ATP8B4: variants seen among roughly 807,000 people sequenced by gnomAD.
The protein encoded by ATP8B4 is probable phospholipid-transporting ATPase IM.
A neutral mutation model predicts 145.6 loss-of-function variants in ATP8B4; 133 were observed. The ratio of observed to expected loss-of-function variants is 0.91; its 90% CI spans 0.79 to 1.05. ATP8B4 has a LOEUF of 1.05. ATP8B4 is among the 50% of genes least tolerant of loss of function. The pLI, the probability that ATP8B4 is intolerant of heterozygous loss-of-function variation, is 0.00. For synonymous variants in ATP8B4, 507 were observed against 492.9 expected, an observed-to-expected ratio of 1.03 and a Z score of -0.38; for missense variants, 1,458 against 1,425.2, an observed-to-expected ratio of 1.02 and a Z score of -0.37.
In ATP8B4 at chr15:50,002,102, C is replaced by T. The variant is rs113182975; in HGVS notation, c.506+51G>A. 140 of 1,432,710 alleles carry T rather than the reference C, an allele frequency of 9.8e-5. 1 individual carries two copies. The African/African-American group carries it at 1.5e-3, about 16-fold the overall frequency. 88.7% of individuals were successfully genotyped at this position (1,432,710 alleles called of 1,614,324 possible). ...TTAAGTCTTATCTCTAAAGACATTA[C>T]TTTTAAATAAATTAAAAACCAACCA... On this transcript the variant is annotated intron_variant, in intron 8 of 27. Transcript: ENST00000284509.
chr15:50,030,631 C>T (rs545864637), intron 6 of ATP8B4, among the ~76,000 whole-genome samples: 2 of 152,204 alleles, frequency 1.3e-5, no homozygotes, highest in Non-Finnish European at 1.5e-5. Flanking sequence ...AATTTTCTCC[C>T]CCACAAATTC....
chr15:49,949,787 T>C (rs1447055952), intron 14 of ATP8B4, among the ~76,000 whole-genome samples: 1 of 152,154 alleles, frequency 6.6e-6, no homozygotes, highest in African/African-American at 2.4e-5. Flanking sequence ...CAATATGATA[T>C]TGGTTGTGGG....
chr15:50,070,152 A>G (rs1020421268), intron 3 of ATP8B4, among the ~76,000 whole-genome samples: 1 of 152,180 alleles, frequency 6.6e-6, no homozygotes, highest in African/African-American at 2.4e-5. Flanking sequence ...CATTATCACT[A>G]TCTTTATTAA....
chr15:50,065,975 A>T (rs753620162), intron 3 of ATP8B4, among the ~76,000 whole-genome samples: 1 of 151,230 alleles, frequency 6.6e-6, no homozygotes, highest in African/African-American at 2.4e-5. Flanking sequence ...CCATTTTAGA[A>T]CATTTAGGAA....
chr15:50,079,501 T>C (rs145951825), intron 2 of ATP8B4, among the ~76,000 whole-genome samples: 6 of 152,324 alleles, frequency 3.9e-5, no homozygotes, highest in African/African-American at 1.4e-4. Context: ...CAATTATTAG[T>C]AGTTCTGGTA....
chr15:50,161,120 T>C (rs2044511757), intron 1 of ATP8B4, among the ~76,000 whole-genome samples: 3 of 152,136 alleles, frequency 2.0e-5, no homozygotes, highest in Admixed American at 1.3e-4. Flanking sequence ...TATCTTTATA[T>C]AGTGACCTTC....
intron 6 of ATP8B4, among the ~76,000 whole-genome samples, chr15:50,029,092 G>GC (rs2050223054): frequency 6.6e-6 from 1 of 151,832 alleles, no homozygotes; most frequent in Non-Finnish European, 1.5e-5. Flanking sequence ...AATTAGCCAG[G>GC]CTTGGTGGCA....
chr15:49,922,036 C>A (rs372392240), intron 17 of ATP8B4, among the ~76,000 whole-genome samples: 1 of 152,102 alleles, frequency 6.6e-6, no homozygotes, highest in African/African-American at 2.4e-5. Context: ...CAAAAGGAAA[C>A]GGATGATTTA....
intron 3 of ATP8B4, among the ~76,000 whole-genome samples, chr15:50,063,455 A>G (rs2053169442): frequency 6.6e-6 from 1 of 152,174 alleles, no homozygotes; most frequent in Non-Finnish European, 1.5e-5. Context: ...GAGATGCTAA[A>G]GTCCACATAG....
At chr15:49,906,078 G>T (rs755777750) in intron 20 of ATP8B4, among the ~76,000 whole-genome samples, 39 of 152,118 alleles carry the variant, frequency 2.6e-4, no homozygotes, top group African/African-American at 8.9e-4. Flanking sequence ...TTCCAATGTC[G>T]AAAAATACAA....
At chr15:50,109,788 G>T (rs1213367624) in intron 1 of ATP8B4, among the ~76,000 whole-genome samples, 1 of 151,984 alleles carries the variant, frequency 6.6e-6, no homozygotes, top group African/African-American at 2.4e-5. Flanking sequence ...GTGAGGTACT[G>T]GTACTAACAG....
intron 2 of ATP8B4, among the ~76,000 whole-genome samples, chr15:50,082,185 C>T (rs1438580778): frequency 1.3e-5 from 2 of 152,140 alleles, no homozygotes; most frequent in African/African-American, 4.8e-5. Flanking sequence ...GAGGAAAGAA[C>T]AATGAGTGGG....
At chr15:50,007,862 A>G (rs954448320) in intron 7 of ATP8B4, among the ~76,000 whole-genome samples, 2 of 152,180 alleles carry the variant, frequency 1.3e-5, no homozygotes. Context: ...GTAGATAGAC[A>G]TGGAAAAACT....
chr15:49,967,465 C>T (rs1274299340), intron 13 of ATP8B4, among the ~76,000 whole-genome samples: 1 of 151,980 alleles, frequency 6.6e-6, no homozygotes, highest in Admixed American at 6.6e-5. Flanking sequence ...ACAAGAACTT[C>T]GTGAAGCATA....
At position 49,876,509 on chromosome 15, in the gene ATP8B4, C is replaced by G. The variant is rs753459932; in HGVS notation, c.2796G>C (p.Gln932His). ...MGIFDQDVSDQNSVDCPQLYK... is the reference protein window; with the variant it reads ...MGIFDQDVSDHNSVDCPQLYK... ...AGAGCTGGGGACAGTCCACGCTGTT[C>G]TGGTCACTCACATCCTGTAAACAGA... Residue 932 changes from glutamine (Q) to histidine (H), a missense_variant, in exon 25 of 28, where the codon CAG becomes CAC. Transcript: ENST00000284509. The G allele has an allele frequency of 1.1e-5, 17 of 1,614,020 alleles. No individual in the cohort carries two copies. In the East Asian group the frequency reaches 2.7e-4, roughly 25 times the overall value.
At chr15:49,943,833 G>A (rs2042355871) in intron 14 of ATP8B4, among the ~76,000 whole-genome samples, 1 of 152,218 alleles carries the variant, frequency 6.6e-6, no homozygotes, top group African/African-American at 2.4e-5. Flanking sequence ...CTGTATTACT[G>A]TAATGGTGGT....
chr15:50,173,143 G>T (rs939487481), intron 1 of ATP8B4, among the ~76,000 whole-genome samples: 2 of 151,756 alleles, frequency 1.3e-5, no homozygotes, highest in Admixed American at 1.3e-4. Flanking sequence ...CGGCCGCCCC[G>T]TCTGGGAAGT....
chr15:50,173,898 AAT>A (rs895607305), intron 1 of ATP8B4, among the ~76,000 whole-genome samples: 1 of 152,154 alleles, frequency 6.6e-6, no homozygotes, highest in Non-Finnish European at 1.5e-5. Flanking sequence ...TCCTTAACAA[AAT>A]ACTAGCTAAC....
intron 14 of ATP8B4, among the ~76,000 whole-genome samples, chr15:49,948,340 T>C (rs1209634685): frequency 1.3e-5 from 2 of 151,038 alleles, no homozygotes; most frequent in East Asian, 3.9e-4. Context: ...TCCCAGCTAC[T>C]TGGGAGGCTG....
Sources: allele counts gnomAD v4.1 joint callset (sites outside exome capture counted in the v4.1 genomes callset), GRCh38; gene constraint gnomAD v4.1.1; transcripts MANE v1.5; gene names NCBI Gene and HGNC (gene_info 2026-07-23, HGNC 2026-07-21).